Variants in CCDC86 observed in about 807,000 individuals in gnomAD.
The protein encoded by CCDC86 is coiled-coil domain-containing protein 86.
A neutral mutation model predicts 36.7 loss-of-function variants in CCDC86; 28 were observed. That is an observed-to-expected ratio of 0.76 (90% CI 0.57 to 1.05). The LOEUF is 1.05. CCDC86 is among the 50% of genes least tolerant of loss of function. The probability of loss-of-function intolerance (pLI) is 0.00; values close to 1 mark genes in which losing one functional copy is unlikely to be tolerated. For missense variants in CCDC86, 453 were observed against 470.2 expected (o/e 0.96, Z 0.34); for synonymous variants, 199 against 203.4 (o/e 0.98, Z 0.18).
chr11:60,847,622 A>G (rs1261278732), intron 1 of CCDC86: 3 of 176,082 alleles, frequency 1.7e-5, no homozygotes, highest in Non-Finnish European at 2.4e-5. Flanking sequence ...GACTGCCACA[A>G]GGTATCTTTA....
rs151334332 is a variant in CCDC86, at chr11:60,849,860, C to T, written c.889-80C>T. On this transcript the variant is annotated intron_variant, in intron 2 of 3. Coordinates refer to ENST00000227520, the MANE Select transcript of CCDC86 (RefSeq NM_024098.4). ...TCCCCTTCCTCCTGGGAATTCTGCC[C>T]GCTCGCACTCTTCTGGGGCCTGAGA... The T allele has an allele frequency of 7.4e-3, 9,030 of 1,226,924 alleles. 51 individuals carry two copies. Among genetic ancestry groups the T allele is most frequent in the Admixed American group, 9.3e-3 (477 of 51,396 alleles). The allele number at this position is 1,226,924 out of a possible 1,614,324, so 76.0% of individuals were successfully genotyped here.
intron 1 of CCDC86, among the ~76,000 whole-genome samples, chr11:60,846,347 C>T (rs1855182221): frequency 6.6e-6 from 1 of 152,106 alleles, no homozygotes; most frequent in African/African-American, 2.4e-5. Context: ...TCGGCAGGGC[C>T]AAGGGACACC....
At chr11:60,847,019 T>A (rs774991162) in intron 1 of CCDC86, among the ~76,000 whole-genome samples, 27 of 152,170 alleles carry the variant, frequency 1.8e-4, no homozygotes, top group Non-Finnish European at 3.5e-4. Context: ...CTTTTCAGAT[T>A]TCCCTGAGAG....
chr11:60,843,112 G>C, intron 1 of CCDC86: 1 of 531,650 alleles, frequency 1.9e-6, no homozygotes, highest in Middle Eastern at 4.9e-4. Context: ...TCCTCCTCAG[G>C]GTCCCTATGG....
At chr11:60,845,747 C>T (rs1041731826) in intron 1 of CCDC86, among the ~76,000 whole-genome samples, 5 of 152,190 alleles carry the variant, frequency 3.3e-5, no homozygotes, top group East Asian at 1.9e-4. Context: ...GTGTGTGTGT[C>T]GATTAAATCT....
intron 1 of CCDC86, among the ~76,000 whole-genome samples, chr11:60,846,290 A>G (rs1855181492): frequency 6.6e-6 from 1 of 152,186 alleles, no homozygotes; most frequent in East Asian, 1.9e-4. Context: ...CTTCAGTGGC[A>G]AGGCCTTGGG....
chr11:60,850,102 C>G, intron 3 of CCDC86, 88 bp downstream of exon 3: 2 of 1,605,968 alleles, frequency 1.2e-6, no homozygotes, highest in Non-Finnish European at 1.7e-6. Flanking sequence ...TACCCCCACT[C>G]TCATGCTACG....
In CCDC86 at chr11:60,842,596, C is replaced by T. The variant is rs1176543969; in HGVS notation, c.472C>T (p.Pro158Ser). 11 of 1,613,370 alleles carry T rather than the reference C, an allele frequency of 6.8e-6. No individual in the cohort carries two copies. The highest frequency in any genetic ancestry group is 3.3e-4 in the Middle Eastern group (2 of 6,080). Residue 158 changes from proline to serine, a missense_variant, in exon 1 of 4, where the codon CCA becomes TCA. Coordinates refer to ENST00000227520, the MANE Select transcript of CCDC86 (RefSeq NM_024098.4). ...CCCCCAGCATCAGCTACCGCCGGTC[C>T]CAGGATCACCAGAGCCTTACCCCGG... The part of the protein sequence containing the change: ...GAPQHQLPPV[P>S]GSPEPYPGQQ...
chr11:60,846,652 G>A (rs1360652330), intron 1 of CCDC86, among the ~76,000 whole-genome samples: 4 of 151,406 alleles, frequency 2.6e-5, no homozygotes, highest in East Asian at 1.9e-4. Flanking sequence ...TCGGCTCACC[G>A]CAACCTCCGC....
In CCDC86 at chr11:60,842,504, G is replaced by A; in HGVS notation, c.380G>A (p.Cys127Tyr). 2 of 1,613,690 alleles carry A rather than the reference G, an allele frequency of 1.2e-6. No individual in the cohort carries two copies. The highest frequency in any genetic ancestry group is 1.7e-6 in the Non-Finnish European group (2 of 1,179,874). Residue 127 changes from cysteine to tyrosine, a missense_variant, in exon 1 of 4, where the codon TGT (cysteine) becomes TAT (tyrosine). Cys to Tyr is a radical substitution (Grantham distance 194, BLOSUM62 -2). Transcript: ENST00000227520. ...AAGCCAAGTGAGGAGGCACCAAAGT[G>A]TTCTCAGGACCAGGGAGTACTGGCC... Reference protein sequence around the residue: ...QPKPSEEAPKCSQDQGVLASE... With the variant: ...QPKPSEEAPKYSQDQGVLASE...
At chr11:60,844,227 A>G (rs1035404313) in intron 1 of CCDC86, among the ~76,000 whole-genome samples, 2 of 152,138 alleles carry the variant, frequency 1.3e-5, no homozygotes, top group Non-Finnish European at 1.5e-5. Context: ...GGGCCCACAC[A>G]AGACACAGGA....
chr11:60,849,306 A>G (rs1179406202), intron 2 of CCDC86, among the ~76,000 whole-genome samples: 2 of 152,220 alleles, frequency 1.3e-5, no homozygotes, highest in African/African-American at 4.8e-5. Context: ...ATTTCCCAAA[A>G]CTATCTTACG....
At chr11:60,845,175 C>T (rs994703103) in intron 1 of CCDC86, among the ~76,000 whole-genome samples, 1 of 152,260 alleles carries the variant, frequency 6.6e-6, no homozygotes, top group African/African-American at 2.4e-5. Context: ...AGCAAGCTCC[C>T]GTTTGAGAGG....
chr11:60,844,029 G>A lies in CCDC86; in HGVS notation c.758+1147G>A, dbSNP rs374444287. 2.4e-3 allele frequency among the ~76,000 whole-genome samples: 363 copies of A among 152,356 alleles called. 5 individuals are homozygous for A. Among genetic ancestry groups the A allele is most frequent in the African/African-American group, 8.1e-3 (335 of 41,592 alleles). Reference sequence around the variant, plus strand: ...CACTACCCCTCTGCCCTGTCCCAGGGGGTCACAGGAGAATGGCAGGGCCGT... The same window carrying A: ...CACTACCCCTCTGCCCTGTCCCAGGAGGTCACAGGAGAATGGCAGGGCCGT... On this transcript the variant is annotated intron_variant, in intron 1 of 3. Transcript: ENST00000227520.
In CCDC86 at chr11:60,850,531, G is replaced by C. The variant is rs1855249602; in HGVS notation, c.*206G>C. On this transcript the variant is annotated 3_prime_UTR_variant, in exon 4 of 4. Coordinates refer to ENST00000227520, the MANE Select transcript of CCDC86 (RefSeq NM_024098.4). ...GAAGCCCAGAGGGGGCCTGGGACCTGGCAGAGATGGGGGCGGGAAGAGATT... is the reference window on the plus strand; with the variant it reads ...GAAGCCCAGAGGGGGCCTGGGACCTCGCAGAGATGGGGGCGGGAAGAGATT... 8.4e-6 allele frequency: 5 copies of C among 591,794 alleles called. No homozygotes were observed. The highest frequency in any genetic ancestry group is 1.4e-5 in the Non-Finnish European group (5 of 346,414). 36.7% of individuals were successfully genotyped at this position (591,794 alleles called of 1,614,324 possible). A position where few individuals can be genotyped will look rare whatever the true frequency, so the allele number is the denominator to read the frequency against.
intron 1 of CCDC86, among the ~76,000 whole-genome samples, chr11:60,844,373 G>A (rs1472591638): frequency 6.6e-6 from 1 of 152,192 alleles, no homozygotes; most frequent in Non-Finnish European, 1.5e-5. Context: ...ATGCACTCCA[G>A]ACTCCTTAAT....
Position 60,850,445 on chromosome 11 carries a change from C to A in CCDC86, c.*120C>A. ...CAAACCCATGGCTCCAGAACAGGGACCCCCACCCCGACCGGGGCTCCTCGG... is the reference window on the plus strand; with the variant it reads ...CAAACCCATGGCTCCAGAACAGGGAACCCCACCCCGACCGGGGCTCCTCGG... On this transcript the variant is annotated 3_prime_UTR_variant, in exon 4 of 4. Transcript: ENST00000227520. 1.5e-6 allele frequency: 2 copies of A among 1,321,048 alleles called. No homozygotes were observed. The highest frequency in any genetic ancestry group is 1.5e-5 in the South Asian group (1 of 66,664). The allele number at this position is 1,321,048 out of a possible 1,614,324, so 81.8% of individuals were successfully genotyped here.
At position 60,850,667 on chromosome 11, in the gene CCDC86, G is replaced by A. The variant is rs1048427728; in HGVS notation, c.*342G>A. ...ACTGGCAGGTGACTCCCTCAGCAGT[G>A]TATGCCCTTTCTCAGCATCCTAGGT... is the stretch of plus-strand genomic sequence containing the variant. On this transcript the variant is annotated 3_prime_UTR_variant, in exon 4 of 4. Transcript: ENST00000227520. The A allele has an allele frequency of 3.9e-6, 1 of 257,736 alleles. No individual in the cohort carries two copies. The highest frequency in any genetic ancestry group is 7.5e-6 in the Non-Finnish European group (1 of 133,572). 16.0% of individuals were successfully genotyped at this position (257,736 alleles called of 1,614,324 possible).
chr11:60,842,273 G>A lies in CCDC86; in HGVS notation c.149G>A (p.Ser50Asn), dbSNP rs757764504. Residue 50 changes from serine to asparagine, a missense_variant, in exon 1 of 4, where the codon AGT (serine) becomes AAT (asparagine). Coordinates refer to ENST00000227520, the MANE Select transcript of CCDC86 (RefSeq NM_024098.4). ...ACGAGGGAGCCCGGGTCTCCTCCGAGTGTGCAGCGGGCTGGCCTGGGGTCC... is the reference window on the plus strand; with the variant it reads ...ACGAGGGAGCCCGGGTCTCCTCCGAATGTGCAGCGGGCTGGCCTGGGGTCC... ...EETREPGSPPSVQRAGLGSPE... is the reference protein window; with the variant it reads ...EETREPGSPPNVQRAGLGSPE... 1 of 1,613,546 alleles carries A rather than the reference G, an allele frequency of 6.2e-7. No individual in the cohort carries two copies. The highest frequency in any genetic ancestry group is 8.5e-7 in the Non-Finnish European group (1 of 1,179,962).
Sources: gnomAD v4.1 joint callset for allele counts (sites outside exome capture counted in the v4.1 genomes callset) on GRCh38, gnomAD v4.1.1 for gene constraint, MANE v1.5 for transcripts, NCBI Gene and HGNC (gene_info 2026-07-23, HGNC 2026-07-21) for gene names.